Variants in AHCYL2 observed in about 807,000 individuals in gnomAD.
AHCYL2 encodes adenosylhomocysteinase like 2, also known as S-adenosylhomocysteine hydrolase-like protein 2.
A neutral mutation model predicts 81.4 loss-of-function variants in AHCYL2; 28 were observed. The observed-to-expected ratio is 0.34, with a 90% CI of 0.25 to 0.47. AHCYL2 has a LOEUF of 0.47. Among genes scored for constraint, AHCYL2 ranks in the 20% least tolerant of loss-of-function variants. AHCYL2 has a pLI of 1.00. For missense variants in AHCYL2, 551 were observed against 785.1 expected, an observed-to-expected ratio of 0.70 and a Z score of 3.56; for synonymous variants, 272 against 290.2, an observed-to-expected ratio of 0.94 and a Z score of 0.64.
intron 1 of AHCYL2, among the ~76,000 whole-genome samples, chr7:129,231,462 A>T (rs1329542143): frequency 6.6e-6 from 1 of 152,206 alleles, no homozygotes; most frequent in African/African-American, 2.4e-5. Context: ...AGTTTGTTGT[A>T]ATCTTTATTC....
intron 8 of AHCYL2, chr7:129,405,537 C>A: frequency 2.7e-6 from 1 of 370,630 alleles, no homozygotes; most frequent in Non-Finnish European, 4.7e-6. Flanking sequence ...AAAACCCTTA[C>A]ATATAGGATT....
intron 1 of AHCYL2, among the ~76,000 whole-genome samples, chr7:129,279,014 A>G (rs1428817582): frequency 2.0e-5 from 3 of 152,010 alleles, no homozygotes; most frequent in African/African-American, 7.2e-5. Flanking sequence ...CCAGCTTTGT[A>G]TTTCTTTTTC....
intron 1 of AHCYL2, among the ~76,000 whole-genome samples, chr7:129,335,246 G>A (rs186575688): frequency 7.2e-4 from 110 of 152,110 alleles, no homozygotes; most frequent in African/African-American, 2.5e-3. Context: ...GGTGGCACAT[G>A]CCTGTAGTCC....
At chr7:129,424,245 C>G (rs75413792) in intron 13 of AHCYL2, among the ~76,000 whole-genome samples, 2 of 147,992 alleles carry the variant, frequency 1.4e-5, no homozygotes, top group African/African-American at 5.0e-5. Flanking sequence ...AAAAAAAATA[C>G]AAAAGTTAGC....
intron 1 of AHCYL2, among the ~76,000 whole-genome samples, chr7:129,239,840 C>G (rs778780881): frequency 6.6e-6 from 1 of 151,828 alleles, no homozygotes; most frequent in African/African-American, 2.4e-5. Context: ...GACACTTCCC[C>G]CATATATACA....
intron 1 of AHCYL2, among the ~76,000 whole-genome samples, chr7:129,242,236 G>T (rs1424394196): frequency 6.6e-6 from 1 of 151,894 alleles, no homozygotes; most frequent in African/African-American, 2.4e-5. Context: ...GTGTTGCCCA[G>T]TCTGGTCTCA....
intron 1 of AHCYL2, among the ~76,000 whole-genome samples, chr7:129,340,571 A>G (rs1190704083): frequency 1.3e-5 from 2 of 150,062 alleles, no homozygotes; most frequent in Non-Finnish European, 2.9e-5. Context: ...CCGTCTCAAA[A>G]AAAAAAAAAA....
chr7:129,404,353 C>A (rs1225362731), intron 7 of AHCYL2, among the ~76,000 whole-genome samples: 1 of 151,838 alleles, frequency 6.6e-6, no homozygotes, highest in Non-Finnish European at 1.5e-5. Context: ...TTATTTCACC[C>A]ATAAAGAACT....
intron 1 of AHCYL2, among the ~76,000 whole-genome samples, chr7:129,294,818 G>A (rs904989232): frequency 2.0e-5 from 3 of 151,242 alleles, no homozygotes; most frequent in Non-Finnish European, 4.4e-5. Context: ...CACTATTAAC[G>A]TGTACCCTGG....
In AHCYL2 at chr7:129,353,165, C is replaced by G. The variant is rs559891098; in HGVS notation, c.364-26473C>G. Among the ~76,000 whole-genome samples the G allele has an allele frequency of 1.1e-4, 17 of 152,206 alleles. 1 individual carries two copies. In the South Asian group the frequency reaches 3.5e-3, roughly 32 times the overall value. ...GTTTCACCGTGTTGGCCAGGCTGGT[C>G]TCGAACTCCTGACCTTAGGTGATCC... On this transcript the variant is annotated intron_variant, in intron 1 of 16. Transcript: ENST00000325006.
At chr7:129,351,507 T>C (rs1201952417) in intron 1 of AHCYL2, 5 of 152,156 alleles carry the variant, frequency 3.3e-5, no homozygotes, top group Admixed American at 2.6e-4. Flanking sequence ...TTTAGTATTA[T>C]GAAAATGCTT....
At chr7:129,387,026 A>G (rs1334719618) in intron 2 of AHCYL2, among the ~76,000 whole-genome samples, 1 of 152,224 alleles carries the variant, frequency 6.6e-6, no homozygotes, top group Admixed American at 6.5e-5. Context: ...TATGCCAAGC[A>G]TTGCAGTAAA....
chr7:129,379,446 C>T (rs1445857981), intron 1 of AHCYL2, among the ~76,000 whole-genome samples, 192 bp from the exon 2 acceptor site: 1 of 151,618 alleles, frequency 6.6e-6, no homozygotes, highest in Non-Finnish European at 1.5e-5. Context: ...ATGGAAAGAC[C>T]CCATCTCTAT....
intron 1 of AHCYL2, among the ~76,000 whole-genome samples, chr7:129,283,040 A>C (rs1348709337): frequency 6.6e-6 from 1 of 152,030 alleles, no homozygotes; most frequent in African/African-American, 2.4e-5. Flanking sequence ...TGTTCCCTCT[A>C]GTTTTCTAAG....
intron 1 of AHCYL2, among the ~76,000 whole-genome samples, chr7:129,321,497 T>C (rs1798011519): frequency 6.6e-6 from 1 of 152,206 alleles, no homozygotes; most frequent in Admixed American, 6.5e-5. Context: ...AATCTTGCAT[T>C]ATGAGATAAA....
Position 129,345,996 on chromosome 7 carries a change from GCTGT to G in AHCYL2, c.364-33639_364-33636del, listed in dbSNP as rs377528008. 3.1e-4 allele frequency among the ~76,000 whole-genome samples: 47 copies of G among 152,278 alleles called. 1 individual carries two copies. The East Asian group carries it at 7.3e-3, about 24-fold the overall frequency. ...AAGTATATAGATCTGAGAGATCTGG[GCTGT>G]CTAAGTAGAGATTTAGCAGTTATCA... On this transcript the variant is annotated intron_variant, in intron 1 of 16. Coordinates refer to ENST00000325006, the MANE Select transcript of AHCYL2 (RefSeq NM_015328.4).
chr7:129,344,339 A>C (rs879060342), intron 1 of AHCYL2, among the ~76,000 whole-genome samples: 4 of 152,216 alleles, frequency 2.6e-5, no homozygotes, highest in South Asian at 2.1e-4. Flanking sequence ...AGTGGAAACA[A>C]CACCACATGT....
intron 1 of AHCYL2, among the ~76,000 whole-genome samples, chr7:129,327,143 T>G (rs1312418320): frequency 6.6e-6 from 1 of 152,176 alleles, no homozygotes; most frequent in Non-Finnish European, 1.5e-5. Context: ...TGTGATGGTA[T>G]TAGGAGGTGG....
rs1477364656 is a variant in AHCYL2 at position 129,419,876 on chromosome 7, G to T, written c.1462-2964G>T. 6.6e-6 allele frequency among the ~76,000 whole-genome samples: 1 copy of T among 152,140 alleles called. No homozygotes were observed. Among genetic ancestry groups the T allele is most frequent in the South Asian group, 2.1e-4 (1 of 4,828 alleles). On this transcript the variant is annotated intron_variant, in intron 12 of 16. Transcript: ENST00000325006. The surrounding 1 kb of genome is among the most constrained non-coding windows in gnomAD (Gnocchi z 4.7). ...AGTCTGCACAGGAATCCCTTTTCCC[G>T]GTAGGTTGTTTAGTGATTATAGGTC...
Sources: allele counts gnomAD v4.1 joint callset (sites outside exome capture counted in the v4.1 genomes callset), GRCh38; gene constraint gnomAD v4.1.1; non-coding constraint Gnocchi (gnomAD v3.1); transcripts MANE v1.5; gene names NCBI Gene and HGNC (gene_info 2026-07-23, HGNC 2026-07-21).